Variants in CPPED1 observed in about 807,000 individuals in gnomAD.
The protein encoded by CPPED1 is serine/threonine-protein phosphatase CPPED1.
Under a neutral mutation model 28.0 loss-of-function variants are expected in CPPED1, and 28 were observed. The ratio of observed to expected loss-of-function variants is 1.00; its 90% CI spans 0.74 to 1.37. The LOEUF is 1.37. CPPED1 is among the 40% of genes most tolerant of loss of function. CPPED1 has a pLI of 0.00. For synonymous variants in CPPED1, 198 were observed against 180.2 expected, an observed-to-expected ratio of 1.10 and a Z score of -0.79; for missense variants, 504 against 416.5, an observed-to-expected ratio of 1.21 and a Z score of -1.83.
chr16:12,769,114 C>T (rs2080455823), intron 2 of CPPED1, among the ~76,000 whole-genome samples: 2 of 152,088 alleles, frequency 1.3e-5, no homozygotes, highest in African/African-American at 4.8e-5. Context: ...ATCCACCCGC[C>T]TCAGCCTCCC....
At chr16:12,727,034 C>G (rs2080173756) in intron 2 of CPPED1, among the ~76,000 whole-genome samples, 1 of 152,106 alleles carries the variant, frequency 6.6e-6, no homozygotes, top group Non-Finnish European at 1.5e-5. Context: ...ACCATCCTCA[C>G]AGCACCTGTC....
intron 3 of CPPED1, 28 bp from the exon 4 acceptor site, chr16:12,665,143 G>A: frequency 6.3e-7 from 1 of 1,577,794 alleles, no homozygotes; most frequent in African/African-American, 1.4e-5. Context: ...AGTCATTAGG[G>A]GGCCGAGGAC....
At chr16:12,729,156 C>T (rs2080184931) in intron 2 of CPPED1, among the ~76,000 whole-genome samples, 1 of 152,040 alleles carries the variant, frequency 6.6e-6, no homozygotes, top group Non-Finnish European at 1.5e-5. Context: ...ATCATTAGTT[C>T]TTTGGGAAAA....
intron 2 of CPPED1, among the ~76,000 whole-genome samples, chr16:12,771,032 C>T (rs1195921473): frequency 6.6e-6 from 1 of 151,952 alleles, no homozygotes; most frequent in Non-Finnish European, 1.5e-5. Context: ...GAGAATGTCT[C>T]TACATATTAC....
At chr16:12,738,937 AAGG>A (rs774890823) in intron 2 of CPPED1, among the ~76,000 whole-genome samples, 47 of 152,286 alleles carry the variant, frequency 3.1e-4, no homozygotes, top group Non-Finnish European at 5.0e-4. Flanking sequence ...AAGTTAAATG[AAGG>A]AGTTTTCCTA....
At chr16:12,801,054 G>A (rs2080656517) in intron 1 of CPPED1, among the ~76,000 whole-genome samples, 1 of 152,132 alleles carries the variant, frequency 6.6e-6, no homozygotes, top group Non-Finnish European at 1.5e-5. Context: ...ATACTGGACA[G>A]TGCAATAGGA....
chr16:12,776,514 G>A (rs1345728600), intron 2 of CPPED1, among the ~76,000 whole-genome samples: 1 of 152,164 alleles, frequency 6.6e-6, no homozygotes, highest in African/African-American at 2.4e-5. Flanking sequence ...AACTGGGGGG[G>A]TTCTTTCTCA....
At chr16:12,703,631 G>T (rs1311127578) in intron 3 of CPPED1, among the ~76,000 whole-genome samples, 2 of 148,432 alleles carry the variant, frequency 1.3e-5, no homozygotes. Context: ...GCAGTGAGCC[G>T]AGATTTTGCC....
chr16:12,777,829 T>A (rs1430462966), intron 2 of CPPED1, among the ~76,000 whole-genome samples: 1 of 151,522 alleles, frequency 6.6e-6, no homozygotes, highest in Non-Finnish European at 1.5e-5. Flanking sequence ...ATAAGTACTA[T>A]AATAGATATT....
chr16:12,703,455 G>A (rs572287757), intron 3 of CPPED1, among the ~76,000 whole-genome samples: 1 of 152,292 alleles, frequency 6.6e-6, no homozygotes, highest in South Asian at 2.1e-4. Context: ...GCCAAGGTGG[G>A]TGAATCACTT....
chr16:12,723,879 C>A (rs570525662), intron 2 of CPPED1, among the ~76,000 whole-genome samples: 1 of 152,108 alleles, frequency 6.6e-6, no homozygotes, highest in Admixed American at 6.5e-5. Flanking sequence ...CTCCACCACA[C>A]GGGGAAAAGC....
intron 1 of CPPED1, among the ~76,000 whole-genome samples, chr16:12,795,730 T>C (rs966592040): frequency 6.6e-6 from 1 of 152,196 alleles, no homozygotes; most frequent in Non-Finnish European, 1.5e-5. Flanking sequence ...GTTGGACAGA[T>C]ACACCCAGGT....
intron 3 of CPPED1, among the ~76,000 whole-genome samples, chr16:12,685,275 C>T (rs1438777375): frequency 6.6e-6 from 1 of 152,106 alleles, no homozygotes; most frequent in Non-Finnish European, 1.5e-5. Flanking sequence ...CATGGTGAAA[C>T]CCCATCTCTA....
chr16:12,709,105 A>G lies in CPPED1; in HGVS notation c.290-4056T>C, dbSNP rs1333406683. 6.6e-6 allele frequency among the ~76,000 whole-genome samples: 1 copy of G among 152,166 alleles called. No homozygotes were observed. Among genetic ancestry groups the G allele is most frequent in the Non-Finnish European group, 1.5e-5 (1 of 68,012 alleles). ...CAAAAATGTCCCATTATATATGAGAACCCAAAGCCCAAAGCCAACCTCACC... is the reference window on the plus strand; with the variant it reads ...CAAAAATGTCCCATTATATATGAGAGCCCAAAGCCCAAAGCCAACCTCACC... On this transcript the variant is annotated intron_variant, in intron 2 of 3. Coordinates refer to ENST00000381774, the MANE Select transcript of CPPED1 (RefSeq NM_018340.3). The surrounding 1 kb of genome is among the most constrained non-coding windows in gnomAD (Gnocchi z 4.4).
chr16:12,789,283 C>T (rs1418194238), intron 1 of CPPED1, among the ~76,000 whole-genome samples: 2 of 152,158 alleles, frequency 1.3e-5, no homozygotes, highest in African/African-American at 4.8e-5. Flanking sequence ...AAACCCTTAT[C>T]TATGGTAATC....
chr16:12,755,281 C>CTT (rs35135598), intron 2 of CPPED1, among the ~76,000 whole-genome samples: 2,922 of 128,764 alleles, frequency 0.023, 151 homozygotes, highest in East Asian at 0.14. Flanking sequence ...AGTATGCATT[C>CTT]TTTTTTTTTT....
chr16:12,716,396 G>T (rs537289641), intron 2 of CPPED1, among the ~76,000 whole-genome samples: 1 of 152,224 alleles, frequency 6.6e-6, no homozygotes, highest in Admixed American at 6.5e-5. Flanking sequence ...GAAGTTCCAG[G>T]ACAATTACAT....
At chr16:12,779,337 G>C (rs1489567065) in intron 2 of CPPED1, among the ~76,000 whole-genome samples, 1 of 151,784 alleles carries the variant, frequency 6.6e-6, no homozygotes, top group Admixed American at 6.6e-5. Context: ...TCCCACTTTA[G>C]CCTCCTCAGT....
intron 1 of CPPED1, 83 bp downstream of exon 1, chr16:12,803,624 A>T (rs1222238186): frequency 3.4e-6 from 4 of 1,193,594 alleles, no homozygotes; most frequent in Non-Finnish European, 4.5e-6. Context: ...CGACTGGCGG[A>T]GCGCACACCT....
Sources: allele counts gnomAD v4.1 joint callset (sites outside exome capture counted in the v4.1 genomes callset), GRCh38; gene constraint gnomAD v4.1.1; non-coding constraint Gnocchi (gnomAD v3.1); transcripts MANE v1.5; gene names NCBI Gene and HGNC (gene_info 2026-07-23, HGNC 2026-07-21).